The following KIRREL3 variants were observed in gnomAD, a reference collection of about 807,000 sequenced individuals.
KIRREL3 encodes kin of IRRE-like protein 3.
A neutral mutation model predicts 89.7 loss-of-function variants in KIRREL3; 36 were observed. That is an observed-to-expected ratio of 0.40 (90% confidence interval 0.31 to 0.53). The LOEUF (loss-of-function observed/expected upper bound fraction) is 0.53, where lower values mean the gene tolerates loss of function less well. Ranked by LOEUF, KIRREL3 falls within the 20% of genes least tolerant of loss-of-function variation. The pLI, the probability that KIRREL3 is intolerant of heterozygous loss-of-function variation, is 0.49. For synonymous variants in KIRREL3, 445 were observed against 441.4 expected (o/e 1.01, Z -0.10); for missense variants, 864 against 1,056.6 (o/e 0.82, Z 2.53).
intron 1 of KIRREL3, among the ~76,000 whole-genome samples, chr11:126,836,515 T>C (rs907021011): frequency 6.6e-6 from 1 of 152,226 alleles, no homozygotes; most frequent in Non-Finnish European, 1.5e-5. Context: ...TTTACTGTAT[T>C]GACAATCTGG....
rs1380552283 is a variant in KIRREL3, at chr11:126,669,527, G to T, written c.56-106615C>A. On this transcript the variant is annotated intron_variant, in intron 1 of 16. Coordinates refer to ENST00000525144, the MANE Select transcript of KIRREL3 (RefSeq NM_032531.4). This position sits in a 1 kb window ranked among gnomAD's most constrained non-coding sequence, Gnocchi z 5.0. The stretch of plus-strand genomic sequence containing the variant: ...CGGTTAGATTTTTAACTTCTGGTTC[G>T]GACTAATACATCTTTTCCAGTGCAT... Among the ~76,000 whole-genome samples, 1 of 152,042 alleles carries T rather than the reference G, an allele frequency of 6.6e-6. No homozygotes were observed. The highest frequency in any genetic ancestry group is 1.5e-5 in the Non-Finnish European group (1 of 68,006).
At chr11:126,464,765 G>A (rs1956666056) in intron 5 of KIRREL3, among the ~76,000 whole-genome samples, 2 of 152,138 alleles carry the variant, frequency 1.3e-5, no homozygotes, top group Non-Finnish European at 2.9e-5. Context: ...CTTTGGAGGG[G>A]CACAGCCCTG....
At chr11:126,560,786 A>C (rs1433994126) in intron 2 of KIRREL3, among the ~76,000 whole-genome samples, 2 of 152,230 alleles carry the variant, frequency 1.3e-5, no homozygotes, top group Non-Finnish European at 2.9e-5. Flanking sequence ...AGGGAAGAAG[A>C]AGCTAATTGT....
At chr11:126,857,760 T>C (rs1187221273) in intron 1 of KIRREL3, among the ~76,000 whole-genome samples, 1 of 102,662 alleles carries the variant, frequency 9.7e-6, no homozygotes, top group Non-Finnish European at 1.9e-5. Context: ...CCAATGCGTG[T>C]GGGAGAAAAG....
intron 1 of KIRREL3, among the ~76,000 whole-genome samples, chr11:126,888,260 A>C (rs1277660855): frequency 7.2e-5 from 11 of 152,158 alleles, no homozygotes; most frequent in Admixed American, 7.2e-4. Context: ...GACATCAGAC[A>C]ATTTACAATT....
At chr11:126,798,198 A>G in intron 1 of KIRREL3, among the ~76,000 whole-genome samples, 1 of 74 alleles carries the variant, frequency 0.014, no homozygotes, top group African/African-American at 0.045. Context: ...TGGAGAGGCC[A>G]CCAGGTGGCC....
In KIRREL3 at chr11:126,495,242, C is replaced by G. The variant is rs938967290; in HGVS notation, c.434-21776G>C. 6.6e-6 allele frequency among the ~76,000 whole-genome samples: 1 copy of G among 152,170 alleles called. No individual in the cohort carries two copies. The highest frequency in any genetic ancestry group is 1.5e-5 in the Non-Finnish European group (1 of 68,024). On this transcript the variant is annotated intron_variant, in intron 4 of 16. Coordinates refer to ENST00000525144, the MANE Select transcript of KIRREL3 (RefSeq NM_032531.4). The surrounding 1 kb of genome is among the most constrained non-coding windows in gnomAD (Gnocchi z 6.5). ...GCTCTTCCTTGCCTTTCAGGAACTCCCAGTGGCTTTCCCTTGTTTGCAGAG... is the reference window on the plus strand; with the variant it reads ...GCTCTTCCTTGCCTTTCAGGAACTCGCAGTGGCTTTCCCTTGTTTGCAGAG...
intron 13 of KIRREL3, 41 bp downstream of exon 13, chr11:126,435,227 T>C: frequency 6.2e-7 from 1 of 1,609,344 alleles, no homozygotes; most frequent in Middle Eastern, 1.7e-4. Context: ...GGAAGTCCCT[T>C]CCCCCCTTCC....
Position 126,843,715 on chromosome 11 carries a change from A to G in KIRREL3, c.55+156740T>C, listed in dbSNP as rs187829915. ...GAATGAGATAGGAGGTCAGCACAAG[A>G]TACAGGTCATGGAGACTTTGCTGAT... On this transcript the variant is annotated intron_variant, in intron 1 of 16. Coordinates refer to ENST00000525144, the MANE Select transcript of KIRREL3 (RefSeq NM_032531.4). The surrounding 1 kb of genome is among the most constrained non-coding windows in gnomAD (Gnocchi z 4.6). 7.5e-4 allele frequency among the ~76,000 whole-genome samples: 114 copies of G among 152,280 alleles called. No homozygotes were observed. Among genetic ancestry groups the G allele is most frequent in the Admixed American group, 2.2e-3 (33 of 15,300 alleles).
At chr11:126,972,424 A>C (rs961266443) in intron 1 of KIRREL3, among the ~76,000 whole-genome samples, 3 of 152,036 alleles carry the variant, frequency 2.0e-5, no homozygotes, top group African/African-American at 7.3e-5. Context: ...TTGCAGCTAG[A>C]GTGCAAGCCA....
At chr11:126,581,351 C>A (rs562939769) in intron 1 of KIRREL3, among the ~76,000 whole-genome samples, 1 of 151,926 alleles carries the variant, frequency 6.6e-6, no homozygotes, top group Non-Finnish European at 1.5e-5. Flanking sequence ...TACAGGCACC[C>A]GCCATCATGC....
intron 1 of KIRREL3, among the ~76,000 whole-genome samples, chr11:126,630,005 C>T (rs759704389): frequency 6.6e-6 from 1 of 152,194 alleles, no homozygotes; most frequent in Non-Finnish European, 1.5e-5. Flanking sequence ...ATAGATTCAC[C>T]TGTTCTTTTC....
At chr11:126,921,950 C>A (rs1293545315) in intron 1 of KIRREL3, among the ~76,000 whole-genome samples, 2 of 149,458 alleles carry the variant, frequency 1.3e-5, no homozygotes, top group African/African-American at 4.9e-5. Context: ...GTCTTCCTAT[C>A]ATCTGTATAT....
intron 1 of KIRREL3, among the ~76,000 whole-genome samples, chr11:126,602,157 G>A (rs548435616): frequency 7.2e-5 from 11 of 152,294 alleles, no homozygotes; most frequent in East Asian, 3.9e-4. Context: ...CCCTGGCAGC[G>A]TTTCTGTTTT....
At chr11:126,911,982 C>CAAAAAA (rs34548052) in intron 1 of KIRREL3, among the ~76,000 whole-genome samples, 7 of 91,664 alleles carry the variant, frequency 7.6e-5, no homozygotes, top group African/African-American at 1.9e-4. Flanking sequence ...GACTCTGTCT[C>CAAAAAA]AAAAAAAAAA....
intron 4 of KIRREL3, among the ~76,000 whole-genome samples, chr11:126,487,906 G>C (rs779961889): frequency 6.6e-6 from 1 of 152,218 alleles, no homozygotes; most frequent in Non-Finnish European, 1.5e-5. Flanking sequence ...TCCTGAAAGG[G>C]GTAAAGAGAA....
rs549579844 is a variant in KIRREL3, at chr11:126,441,932, C to T, written c.1253-1383G>A. ...ATGAGGAGATTGATGTTTTAGGAAC[C>T]GGATGGTGCTTTGTTTTATTGCTGG... On this transcript the variant is annotated intron_variant, in intron 10 of 16. Transcript: ENST00000525144. This position sits in a 1 kb window ranked among gnomAD's most constrained non-coding sequence, Gnocchi z 5.0. 8.5e-4 allele frequency among the ~76,000 whole-genome samples: 130 copies of T among 152,094 alleles called. No individual in the cohort carries two copies. The highest frequency in any genetic ancestry group is 1.2e-3 in the Non-Finnish European group (83 of 68,000).
chr11:126,877,298 G>C lies in KIRREL3; in HGVS notation c.55+123157C>G, dbSNP rs76195887. 1.3e-5 allele frequency among the ~76,000 whole-genome samples: 2 copies of C among 152,164 alleles called. No homozygotes were observed. Among genetic ancestry groups the C allele is most frequent in the Non-Finnish European group, 1.5e-5 (1 of 68,034 alleles). On this transcript the variant is annotated intron_variant, in intron 1 of 16. Coordinates refer to ENST00000525144, the MANE Select transcript of KIRREL3 (RefSeq NM_032531.4). The surrounding 1 kb of genome is among the most constrained non-coding windows in gnomAD (Gnocchi z 4.9). ...AACTGGGCTCAGATAGCAAAAGAGC[G>C]TTCTATATATACATGCATTTTCAAA... is the stretch of plus-strand genomic sequence containing the variant.
rs181555990 is a variant in KIRREL3, at chr11:126,981,402, C to A, written c.55+19053G>T. On this transcript the variant is annotated intron_variant, in intron 1 of 16. Coordinates refer to ENST00000525144, the MANE Select transcript of KIRREL3 (RefSeq NM_032531.4). This position sits in a 1 kb window ranked among gnomAD's most constrained non-coding sequence, Gnocchi z 4.2. ...GCCCACTGACAGCATATTGCCTAAT[C>A]GCCATTATTCTGGAGGAAAATGCTC... Among the ~76,000 whole-genome samples the A allele has an allele frequency of 1.3e-5, 2 of 152,268 alleles. No individual in the cohort carries two copies. The highest frequency in any genetic ancestry group is 4.1e-4 in the South Asian group (2 of 4,822).
Sources: allele counts gnomAD v4.1 joint callset (sites outside exome capture counted in the v4.1 genomes callset), GRCh38; gene constraint gnomAD v4.1.1; non-coding constraint Gnocchi (gnomAD v3.1); transcripts MANE v1.5; gene names NCBI Gene and HGNC (gene_info 2026-07-23, HGNC 2026-07-21).